Variants in LOC400499 observed in about 807,000 individuals in gnomAD.
the LOC400499 span, chr16:11,384,788 C>G: frequency 2.3e-5 from 25 of 1,067,478 alleles, no homozygotes; most frequent in Non-Finnish European, 2.9e-5. Flanking sequence ...GGCAGAGGCT[C>G]TGCATGCACG....
At chr16:11,384,963 T>C in the LOC400499 span, 1 of 1,232,188 alleles carries the variant, frequency 8.1e-7, no homozygotes, top group Non-Finnish European at 1.0e-6. Flanking sequence ...CCGTCCTCGC[T>C]GGCCAGCTCA....
the LOC400499 span, chr16:11,425,044 A>G: frequency 1.7e-4 from 67 of 398,228 alleles, no homozygotes; most frequent in Non-Finnish European, 2.8e-4. Flanking sequence ...TGGGGGTTGG[A>G]GGCTCATTTA....
chr16:11,376,737 T>G, the LOC400499 span, among the ~76,000 whole-genome samples: 1 of 152,186 alleles, frequency 6.6e-6, no homozygotes, highest in African/African-American at 2.4e-5. Context: ...AAAATGCCAC[T>G]GGGATTTTGA....
At chr16:11,509,988 G>A in the LOC400499 span, among the ~76,000 whole-genome samples, 1 of 147,556 alleles carries the variant, frequency 6.8e-6, no homozygotes, top group African/African-American at 2.6e-5. Context: ...GTGTCCTTTT[G>A]TACCATGTCA....
the LOC400499 span, chr16:11,476,891 C>T: frequency 1.7e-4 from 67 of 399,514 alleles, no homozygotes; most frequent in African/African-American, 1.2e-3. Context: ...CACCTCAGCC[C>T]GGCCTGCCCC....
the LOC400499 span, among the ~76,000 whole-genome samples, chr16:11,428,065 G>C: frequency 6.6e-6 from 1 of 152,146 alleles, no homozygotes; most frequent in Non-Finnish European, 1.5e-5. Flanking sequence ...AAGGAATAAA[G>C]AATGGCTACT....
At chr16:11,428,567 G>A in the LOC400499 span, among the ~76,000 whole-genome samples, 1 of 152,306 alleles carries the variant, frequency 6.6e-6, no homozygotes, top group East Asian at 1.9e-4. Flanking sequence ...GTAGTAATGA[G>A]AACGAACAGA....
At chr16:11,521,934 T>C in the LOC400499 span, 3 of 399,176 alleles carry the variant, frequency 7.5e-6, no homozygotes, top group East Asian at 1.1e-4. Flanking sequence ...GATCTCCCGG[T>C]TGCCCAAAGA....
the LOC400499 span, among the ~76,000 whole-genome samples, chr16:11,439,829 T>C: frequency 6.6e-6 from 1 of 152,134 alleles, no homozygotes; most frequent in African/African-American, 2.4e-5. Context: ...CTCCCTGCCA[T>C]GTTGCCTGTT....
the LOC400499 span, chr16:11,450,845 C>A: frequency 6.6e-7 from 1 of 1,519,072 alleles, no homozygotes; most frequent in African/African-American, 1.4e-5. Context: ...GAAGGAGAAT[C>A]TGGTACACGG....
At chr16:11,419,941 A>G in the LOC400499 span, among the ~76,000 whole-genome samples, 1 of 149,162 alleles carries the variant, frequency 6.7e-6, no homozygotes, top group East Asian at 1.9e-4. Flanking sequence ...AAGTCAGGAA[A>G]CAACAGATGC....
the LOC400499 span, among the ~76,000 whole-genome samples, chr16:11,463,629 G>C: frequency 2.6e-5 from 4 of 152,296 alleles, no homozygotes; most frequent in East Asian, 3.9e-4. Flanking sequence ...TATGCATACA[G>C]ATATGTCTAC....
At chr16:11,404,611 G>A in the LOC400499 span, 2 of 397,406 alleles carry the variant, frequency 5.0e-6, no homozygotes, top group East Asian at 7.1e-5. Flanking sequence ...CCTCCCAAAG[G>A]GCTTGGATTA....
the LOC400499 span, among the ~76,000 whole-genome samples, chr16:11,393,783 T>C: frequency 6.6e-6 from 1 of 152,092 alleles, no homozygotes; most frequent in Non-Finnish European, 1.5e-5. Context: ...AAAGCACTTT[T>C]GAAAATACTC....
the LOC400499 span, among the ~76,000 whole-genome samples, chr16:11,500,548 A>AGC: frequency 2.7e-5 from 4 of 145,888 alleles, no homozygotes; most frequent in Non-Finnish European, 6.0e-5. Flanking sequence ...TCAGAAAAGA[A>AGC]GCTCAGGAAG....
chr16:11,490,796 C>A, the LOC400499 span, among the ~76,000 whole-genome samples: 1 of 152,180 alleles, frequency 6.6e-6, no homozygotes, highest in African/African-American at 2.4e-5. Context: ...GTATGTTTAC[C>A]TATGTATTAC....
chr16:11,417,855 G>T, the LOC400499 span: 4 of 398,784 alleles, frequency 1.0e-5, no homozygotes, highest in Non-Finnish European at 1.8e-5. Context: ...ATGACACCAA[G>T]GAGACGCTGG....
the LOC400499 span, chr16:11,393,549 G>C: frequency 1.6e-6 from 2 of 1,232,302 alleles, no homozygotes; most frequent in African/African-American, 1.6e-5. Context: ...CTGAGCCTTG[G>C]AGCCACGAAG....
the LOC400499 span, among the ~76,000 whole-genome samples, chr16:11,445,111 G>C: frequency 2.6e-5 from 4 of 151,374 alleles, no homozygotes; most frequent in African/African-American, 9.7e-5. Context: ...AAAGAACTGG[G>C]ATTTGTGATA....
Sources: gnomAD v4.1 joint callset for allele counts (sites outside exome capture counted in the v4.1 genomes callset) on GRCh38, gnomAD v4.1.1 for gene constraint, MANE v1.5 for transcripts.